The following ROBO2 variants were observed in gnomAD, a reference collection of about 807,000 sequenced individuals.
ROBO2 encodes roundabout homolog 2.
ROBO2 carries 53 observed loss-of-function variants against 160.8 expected under a neutral mutation model. The observed-to-expected ratio is 0.33, with a 90% confidence interval of 0.26 to 0.41. ROBO2 has a LOEUF of 0.41. Among genes scored for constraint, ROBO2 ranks in the 10% least tolerant of loss-of-function variants. The probability of loss-of-function intolerance (pLI) is 1.00; values close to 1 mark genes in which losing one functional copy is unlikely to be tolerated. For synonymous variants in ROBO2, 664 were observed against 611.7 expected (o/e 1.09, Z -1.26); for missense variants, 1,577 against 1,722.4 (o/e 0.92, Z 1.49).
chr3:76,892,353 C>T (rs2074413139), intron 2 of ROBO2, among the ~76,000 whole-genome samples: 1 of 152,174 alleles, frequency 6.6e-6, no homozygotes, highest in Non-Finnish European at 1.5e-5. Context: ...GTTTTGGACT[C>T]TTTGACACCA....
intron 2 of ROBO2, among the ~76,000 whole-genome samples, chr3:77,006,778 T>C (rs923814083): frequency 1.6e-4 from 25 of 151,994 alleles, no homozygotes; most frequent in African/African-American, 6.0e-4. Flanking sequence ...ATCATAAAAC[T>C]GCTATAATGA....
intron 2 of ROBO2, among the ~76,000 whole-genome samples, chr3:76,912,614 A>G (rs942442141): frequency 3.3e-5 from 5 of 152,226 alleles, no homozygotes; most frequent in Non-Finnish European, 7.3e-5. Context: ...TTTTCCAATT[A>G]AAGACTCTCC....
intron 2 of ROBO2, among the ~76,000 whole-genome samples, chr3:77,116,008 A>G (rs1185062451): frequency 6.6e-6 from 1 of 152,158 alleles, no homozygotes; most frequent in African/African-American, 2.4e-5. Context: ...AATCAGGATT[A>G]AACAAGTGTG....
intron 2 of ROBO2, among the ~76,000 whole-genome samples, chr3:76,156,538 C>G (rs947361927): frequency 2.4e-4 from 37 of 152,166 alleles, no homozygotes; most frequent in Admixed American, 2.4e-3. Flanking sequence ...GAAGCCTTCT[C>G]TGTGTTAAGT....
chr3:76,356,556 TAAC>T (rs1365395244), intron 2 of ROBO2, among the ~76,000 whole-genome samples: 1 of 151,574 alleles, frequency 6.6e-6, no homozygotes, highest in Non-Finnish European at 1.5e-5. Flanking sequence ...GATTGAGACT[TAAC>T]AATTATATAA....
chr3:76,018,663 T>C (rs1345769177), intron 2 of ROBO2, among the ~76,000 whole-genome samples: 2 of 152,040 alleles, frequency 1.3e-5, no homozygotes, highest in Non-Finnish European at 2.9e-5. Flanking sequence ...TAGAGAAATA[T>C]ATCTGTCTGA....
chr3:77,132,697 A>AT (rs549376606), intron 2 of ROBO2, among the ~76,000 whole-genome samples: 12,189 of 146,368 alleles, frequency 0.083, 667 homozygotes, highest in Non-Finnish European at 0.12. Context: ...TTGGCCACTG[A>AT]TTTTTTTTTT....
At chr3:76,181,066 A>G (rs1701478067) in intron 2 of ROBO2, among the ~76,000 whole-genome samples, 1 of 152,124 alleles carries the variant, frequency 6.6e-6, no homozygotes, top group Non-Finnish European at 1.5e-5. Context: ...CTCAGTTTAA[A>G]TGTCAGCCTC....
At chr3:75,950,791 GT>G (rs1559778042) in intron 2 of ROBO2, among the ~76,000 whole-genome samples, 1 of 151,966 alleles carries the variant, frequency 6.6e-6, no homozygotes, top group Non-Finnish European at 1.5e-5. Flanking sequence ...TGTCTATGTG[GT>G]TCCAGTCTGA....
intron 1 of ROBO2, among the ~76,000 whole-genome samples, chr3:75,922,965 A>G (rs1286234739): frequency 1.3e-5 from 2 of 152,204 alleles, no homozygotes; most frequent in African/African-American, 4.8e-5. Flanking sequence ...TCTCAAAACT[A>G]TACTGATACC....
chr3:76,763,442 ATTAT>A (rs982704828), intron 2 of ROBO2, among the ~76,000 whole-genome samples: 6 of 151,750 alleles, frequency 4.0e-5, no homozygotes, highest in African/African-American at 1.4e-4. Context: ...CTAGCTGTCC[ATTAT>A]TTATTTCAAC....
chr3:77,062,264 C>A (rs2066400655), intron 1 of ROBO2, among the ~76,000 whole-genome samples: 2 of 152,146 alleles, frequency 1.3e-5, no homozygotes, highest in Non-Finnish European at 2.9e-5. Flanking sequence ...TAAATAAACT[C>A]ATTATTTCTG....
intron 2 of ROBO2, among the ~76,000 whole-genome samples, chr3:76,692,314 T>C (rs2092819760): frequency 6.6e-6 from 1 of 152,116 alleles, no homozygotes; most frequent in Non-Finnish European, 1.5e-5. Context: ...GAAACAAATG[T>C]GGTTAGATTG....
At chr3:77,001,855 T>C (rs934528487) in intron 2 of ROBO2, among the ~76,000 whole-genome samples, 5 of 152,196 alleles carry the variant, frequency 3.3e-5, no homozygotes, top group African/African-American at 1.2e-4. Flanking sequence ...TGTGACCATC[T>C]GCTTAGAATG....
At chr3:77,063,234 C>T (rs2066502589) in intron 1 of ROBO2, among the ~76,000 whole-genome samples, 1 of 152,224 alleles carries the variant, frequency 6.6e-6, no homozygotes, top group Non-Finnish European at 1.5e-5. Flanking sequence ...CATCTGCCAC[C>T]CCTAACCAGT....
intron 2 of ROBO2, among the ~76,000 whole-genome samples, chr3:77,029,338 T>A (rs2063170573): frequency 6.6e-6 from 1 of 152,204 alleles, no homozygotes; most frequent in African/African-American, 2.4e-5. Context: ...TTCTTTTTTA[T>A]TTATTTAATT....
At chr3:77,637,588 G>T (rs150940662) in intron 24 of ROBO2, among the ~76,000 whole-genome samples, 1 of 152,058 alleles carries the variant, frequency 6.6e-6, no homozygotes, top group Non-Finnish European at 1.5e-5. Flanking sequence ...AAAACTATTC[G>T]TAGTGTTCAT....
rs371053420 is a variant in ROBO2, at chr3:77,252,556, C to T, written c.388+154216C>T. 2.0e-5 allele frequency among the ~76,000 whole-genome samples: 3 copies of T among 151,268 alleles called. No individual in the cohort carries two copies. In the East Asian group the frequency reaches 5.8e-4, roughly 29 times the overall value. Reference sequence around the variant, plus strand: ...GGCGCAGTGGCTCACACCTGTAATCCCAGCACTTTGGGAGGCCGAGGCGGG... The same window carrying T: ...GGCGCAGTGGCTCACACCTGTAATCTCAGCACTTTGGGAGGCCGAGGCGGG... On this transcript the variant is annotated intron_variant, in intron 2 of 25. Transcript: ENST00000461745.
chr3:77,639,762 G>T (rs2095320147), intron 24 of ROBO2, among the ~76,000 whole-genome samples: 1 of 152,114 alleles, frequency 6.6e-6, no homozygotes, highest in Non-Finnish European at 1.5e-5. Flanking sequence ...GTATATGTGT[G>T]CATGCATGTG....
Sources: allele counts gnomAD v4.1 joint callset (sites outside exome capture counted in the v4.1 genomes callset), GRCh38; gene constraint gnomAD v4.1.1; transcripts MANE v1.5; gene names NCBI Gene and HGNC (gene_info 2026-07-23, HGNC 2026-07-21).